FBP2: variants seen among roughly 807,000 people sequenced by gnomAD.
FBP2 encodes the protein fructose-1,6-bisphosphatase isozyme 2.
A neutral mutation model predicts 31.6 loss-of-function variants in FBP2; 27 were observed. The observed-to-expected ratio is 0.85, with a 90% CI of 0.63 to 1.18. The LOEUF (loss-of-function observed/expected upper bound fraction) is 1.18. Ranked by LOEUF, FBP2 falls within the 50% of genes most tolerant of loss-of-function variation. The probability of loss-of-function intolerance (pLI) is 0.00; values close to 1 mark genes in which losing one functional copy is unlikely to be tolerated. For synonymous variants in FBP2, 168 were observed against 179.8 expected, an observed-to-expected ratio of 0.93 and a Z score of 0.53; for missense variants, 421 against 436.1, an observed-to-expected ratio of 0.97 and a Z score of 0.31.
intron 1 of FBP2, among the ~76,000 whole-genome samples, chr9:94,591,271 GGTCCC>G (rs1827498220): frequency 6.6e-6 from 1 of 152,250 alleles, no homozygotes; most frequent in Non-Finnish European, 1.5e-5. Context: ...GCGGGCTGCA[GGTCCC>G]GAGCCCTGCC....
intron 5 of FBP2, among the ~76,000 whole-genome samples, chr9:94,566,057 G>C (rs1827185008): frequency 6.6e-6 from 1 of 152,208 alleles, no homozygotes; most frequent in African/African-American, 2.4e-5. Flanking sequence ...CCACATGAAT[G>C]CTCCTGCTTA....
At chr9:94,564,918 A>G (rs1189092884) in intron 5 of FBP2, among the ~76,000 whole-genome samples, 1 of 152,230 alleles carries the variant, frequency 6.6e-6, no homozygotes, top group Non-Finnish European at 1.5e-5. Flanking sequence ...CATATTTTCA[A>G]AAAGCTAGAA....
At chr9:94,571,680 A>AAC in intron 3 of FBP2, 78 bp from the exon 4 acceptor site, 1 of 1,280,534 alleles carries the variant, frequency 7.8e-7, no homozygotes, top group Non-Finnish European at 1.1e-6. Flanking sequence ...TGGGCTTCAG[A>AAC]TCTCCTCGAA....
At chr9:94,590,313 G>A (rs1827479741) in intron 1 of FBP2, among the ~76,000 whole-genome samples, 1 of 152,194 alleles carries the variant, frequency 6.6e-6, no homozygotes, top group African/African-American at 2.4e-5. Context: ...CTCCAGGCGG[G>A]CACTCCAGCC....
chr9:94,575,010 CT>C (rs1320112320), intron 3 of FBP2, among the ~76,000 whole-genome samples: 2 of 152,114 alleles, frequency 1.3e-5, no homozygotes, highest in Non-Finnish European at 2.9e-5. Context: ...CCTACCACTA[CT>C]TTTTGGTAAA....
chr9:94,579,180 C>G (rs963909066), intron 3 of FBP2, among the ~76,000 whole-genome samples: 1 of 148,156 alleles, frequency 6.7e-6, no homozygotes, highest in Non-Finnish European at 1.5e-5. Context: ...GGGCAGATAA[C>G]GAGGTCAGGA....
intron 1 of FBP2, among the ~76,000 whole-genome samples, chr9:94,590,401 G>C (rs28621580): frequency 6.6e-6 from 1 of 152,164 alleles, no homozygotes; most frequent in Non-Finnish European, 1.5e-5. Context: ...CATTCACGGA[G>C]CCCTTGCTAG....
chr9:94,566,200 C>A (rs1179898356), intron 5 of FBP2, among the ~76,000 whole-genome samples: 1 of 152,196 alleles, frequency 6.6e-6, no homozygotes, highest in Non-Finnish European at 1.5e-5. Context: ...TGGGAACAGG[C>A]CCCCCAAAAC....
At chr9:94,573,007 C>G (rs1056154771) in intron 3 of FBP2, 5 of 152,136 alleles carry the variant, frequency 3.3e-5, no homozygotes, top group Non-Finnish European at 4.4e-5. Flanking sequence ...CATAGACCAT[C>G]ATGTCGTCTG....
At chr9:94,592,494 A>C (rs750745689) in intron 1 of FBP2, among the ~76,000 whole-genome samples, 1 of 152,126 alleles carries the variant, frequency 6.6e-6, no homozygotes, top group Non-Finnish European at 1.5e-5. Flanking sequence ...CCTCCCCTGG[A>C]ATTACTACAA....
intron 1 of FBP2, among the ~76,000 whole-genome samples, chr9:94,591,131 C>T (rs552993776): frequency 2.8e-4 from 42 of 152,346 alleles, no homozygotes; most frequent in East Asian, 7.7e-4. Flanking sequence ...GCCAGTCCTG[C>T]GCCGTGCGCG....
rs115648140 is a variant in FBP2 at position 94,563,024 on chromosome 9, G to C, written c.825+318C>G. ...AGGGACCATCATCCCAGATCAGCTG[G>C]TGCTGAAGCTAAAAGTCAGATGCAG... On this transcript the variant is annotated intron_variant, in intron 6 of 6. Coordinates refer to ENST00000375337, the MANE Select transcript of FBP2 (RefSeq NM_003837.4). 2.8e-3 allele frequency among the ~76,000 whole-genome samples: 422 copies of C among 152,318 alleles called. 1 individual carries two copies. Among genetic ancestry groups the C allele is most frequent in the African/African-American group, 9.7e-3 (405 of 41,572 alleles).
intron 6 of FBP2, among the ~76,000 whole-genome samples, chr9:94,562,309 C>CAAA (rs397893359): frequency 4.3e-4 from 31 of 72,080 alleles, no homozygotes; most frequent in African/African-American, 5.7e-4. Flanking sequence ...GACTCCATCT[C>CAAA]AAAAAAAAAA....
chr9:94,571,655 A>C (rs1587841270), intron 3 of FBP2, 53 bp from the exon 4 acceptor site: 1 of 1,521,582 alleles, frequency 6.6e-7, no homozygotes, highest in East Asian at 2.3e-5. Flanking sequence ...TGGAGAGAAC[A>C]CTTTGCCAGG....
chr9:94,559,979 A>C (rs554230593), intron 6 of FBP2, among the ~76,000 whole-genome samples: 21 of 152,276 alleles, frequency 1.4e-4, no homozygotes, highest in African/African-American at 4.8e-4. Flanking sequence ...TTAAAAATTA[A>C]CCAGGTGTGG....
intron 1 of FBP2, among the ~76,000 whole-genome samples, chr9:94,591,733 C>A (rs1023728890): frequency 3.9e-5 from 6 of 152,184 alleles, no homozygotes; most frequent in African/African-American, 1.4e-4. Flanking sequence ...CAGTTGAAAT[C>A]GTCATCACAT....
chr9:94,581,379 G>A (rs1366433064), intron 3 of FBP2, among the ~76,000 whole-genome samples: 5 of 152,204 alleles, frequency 3.3e-5, no homozygotes, highest in Admixed American at 1.3e-4. Flanking sequence ...ACAGTAGCTC[G>A]ATGTATAGAT....
intron 1 of FBP2, among the ~76,000 whole-genome samples, chr9:94,593,188 G>A (rs2987900): frequency 0.96 from 145,723 of 152,324 alleles, 69,708 homozygotes; most frequent in East Asian, 1. Flanking sequence ...ATGTCTGCAA[G>A]AGGCATAAAG....
Position 94,593,599 on chromosome 9 carries a change from T to C in FBP2, c.128A>G (p.Lys43Arg). The C allele has an allele frequency of 6.2e-7, 1 of 1,614,140 alleles. No homozygotes were observed. The highest frequency in any genetic ancestry group is 1.1e-5 in the South Asian group (1 of 91,072). Residue 43 changes from lysine (K) to arginine (R), a missense_variant, in exon 1 of 7, where the codon AAA becomes AGA. Physicochemically the swap from Lys to Arg is conservative, Grantham distance 26. Transcript: ENST00000375337. ...QLLNSMLTAI[K>R]AISSAVRKAG... The stretch of plus-strand genomic sequence containing the variant: ...CTTGCGCACAGCCGAGGAGATGGCT[T>C]TGATGGCCGTCAGCATTGAGTTCAG...
Sources: allele counts gnomAD v4.1 joint callset (sites outside exome capture counted in the v4.1 genomes callset), GRCh38; gene constraint gnomAD v4.1.1; transcripts MANE v1.5; gene names NCBI Gene and HGNC (gene_info 2026-07-23, HGNC 2026-07-21).